SLX4IP: variants seen among roughly 807,000 people sequenced by gnomAD.
The protein encoded by SLX4IP is protein SLX4IP.
In SLX4IP, 34 loss-of-function variants were observed where a neutral mutation model predicts 32.9. The ratio of observed to expected loss-of-function variants is 1.03; its 90% CI spans 0.79 to 1.38. The LOEUF is 1.38. Ranked by LOEUF, SLX4IP falls within the 40% of genes most tolerant of loss-of-function variation. The pLI is 0.00. For synonymous variants in SLX4IP, 172 were observed against 171.7 expected (o/e 1.00, Z -0.01); for missense variants, 444 against 479.0 (o/e 0.93, Z 0.68).
chr20:10,451,747 T>TTG (rs1305531331), intron 1 of SLX4IP, among the ~76,000 whole-genome samples: 11 of 151,818 alleles, frequency 7.2e-5, no homozygotes, highest in African/African-American at 2.4e-4. Context: ...GGCGGGTGAA[T>TTG]CATGAGGTCA....
intron 1 of SLX4IP, among the ~76,000 whole-genome samples, chr20:10,457,471 G>A (rs967831805): frequency 4.3e-5 from 6 of 140,400 alleles, no homozygotes; most frequent in Non-Finnish European, 7.8e-5. Context: ...ATGATTATGT[G>A]CATTTTTTCT....
At chr20:10,494,828 A>C (rs2122403057) in intron 2 of SLX4IP, among the ~76,000 whole-genome samples, 1 of 152,222 alleles carries the variant, frequency 6.6e-6, no homozygotes, top group Non-Finnish European at 1.5e-5. Flanking sequence ...CTGTCTTAGA[A>C]AGTACATATA....
At chr20:10,551,423 C>T (rs117742588) in intron 2 of SLX4IP, among the ~76,000 whole-genome samples, 1,630 of 152,318 alleles carry the variant, frequency 0.011, 23 homozygotes, top group Non-Finnish European at 0.017. Flanking sequence ...AGAGCTCTCC[C>T]TTTGCAGACA....
At position 10,439,076 on chromosome 20, in the gene SLX4IP, C is replaced by T. The variant is rs77737514; in HGVS notation, c.-30+3623C>T. On this transcript the variant is annotated intron_variant, in intron 1 of 7. Transcript: ENST00000334534. ...AGTTTATTCCTTTTTAATTACTCAG[C>T]GGTATTCCATTGTGTAGATATATAA... is the stretch of plus-strand genomic sequence containing the variant. Among the ~76,000 whole-genome samples the T allele has an allele frequency of 4.7e-3, 714 of 152,066 alleles. 7 individuals carry two copies. Among genetic ancestry groups the T allele is most frequent in the African/African-American group, 0.016 (645 of 41,456 alleles).
At chr20:10,596,928 A>G (rs1317500384) in intron 4 of SLX4IP, among the ~76,000 whole-genome samples, 1 of 152,230 alleles carries the variant, frequency 6.6e-6, no homozygotes, top group Non-Finnish European at 1.5e-5. Flanking sequence ...CTGAAATGCA[A>G]TCTATTTTCA....
chr20:10,563,284 T>G (rs1482181486), intron 4 of SLX4IP, among the ~76,000 whole-genome samples: 2 of 152,250 alleles, frequency 1.3e-5, no homozygotes, highest in African/African-American at 4.8e-5. Context: ...ATTTGAGTTC[T>G]TTGTATATTA....
At chr20:10,500,462 A>T (rs1257534779) in intron 2 of SLX4IP, among the ~76,000 whole-genome samples, 1 of 152,076 alleles carries the variant, frequency 6.6e-6, no homozygotes, top group Non-Finnish European at 1.5e-5. Context: ...TGTGTGGAAA[A>T]AGATGGGGCC....
intron 2 of SLX4IP, among the ~76,000 whole-genome samples, chr20:10,539,861 T>G (rs796579821): frequency 2.0e-5 from 3 of 152,208 alleles, no homozygotes; most frequent in African/African-American, 7.2e-5. Context: ...TAGTTATTAT[T>G]TTAAAAGCTC....
chr20:10,598,783 A>T (rs749953917), intron 5 of SLX4IP, 31 bp downstream of exon 5: 3 of 1,599,142 alleles, frequency 1.9e-6, no homozygotes, highest in Non-Finnish European at 2.6e-6. Flanking sequence ...TTTGTCAGAC[A>T]TTTCACACAA....
At chr20:10,613,909 G>A in intron 6 of SLX4IP, 3 of 1,406,230 alleles carry the variant, frequency 2.1e-6, no homozygotes, top group Non-Finnish European at 3.0e-6. Context: ...TTTTTAAAGA[G>A]TAGCCGCCAA....
rs1025175758 is a variant in SLX4IP, at chr20:10,505,965, T to A, written c.27+47734T>A. 2.6e-5 allele frequency among the ~76,000 whole-genome samples: 4 copies of A among 152,348 alleles called. No individual in the cohort carries two copies. In the South Asian group the frequency reaches 8.3e-4, roughly 32 times the overall value. Reference sequence around the variant, plus strand: ...CCATTTTGTATTCATGGTTATGATATTGAAACTTCAGGACCACACACAGAT... The same window carrying A: ...CCATTTTGTATTCATGGTTATGATAATGAAACTTCAGGACCACACACAGAT... On this transcript the variant is annotated intron_variant, in intron 2 of 7. Coordinates refer to ENST00000334534, the MANE Select transcript of SLX4IP (RefSeq NM_001009608.3).
chr20:10,545,945 G>A (rs963807710), intron 2 of SLX4IP, among the ~76,000 whole-genome samples: 1 of 152,126 alleles, frequency 6.6e-6, no homozygotes, highest in Non-Finnish European at 1.5e-5. Flanking sequence ...AAACTGAAAA[G>A]CTTTTCTTTC....
chr20:10,581,095 C>G (rs1360506715), intron 4 of SLX4IP, among the ~76,000 whole-genome samples: 1 of 151,794 alleles, frequency 6.6e-6, no homozygotes, highest in Non-Finnish European at 1.5e-5. Context: ...AGCTGAGAAA[C>G]AGTGAGACTT....
chr20:10,567,404 CTT>C (rs1441060389), intron 4 of SLX4IP, among the ~76,000 whole-genome samples: 1 of 152,094 alleles, frequency 6.6e-6, no homozygotes, highest in Non-Finnish European at 1.5e-5. Context: ...CCTTTTTGCC[CTT>C]CCTCCTTCTG....
At chr20:10,537,502 T>G (rs2066058535) in intron 2 of SLX4IP, among the ~76,000 whole-genome samples, 1 of 152,238 alleles carries the variant, frequency 6.6e-6, no homozygotes, top group Admixed American at 6.5e-5. Context: ...AGTAATCCAT[T>G]AGGTTGCAGT....
chr20:10,533,783 C>A (rs2066012454), intron 2 of SLX4IP, among the ~76,000 whole-genome samples: 1 of 151,816 alleles, frequency 6.6e-6, no homozygotes, highest in South Asian at 2.1e-4. Flanking sequence ...CACTGCCTGA[C>A]TAATTTTTGT....
intron 7 of SLX4IP, 54 bp downstream of exon 7, chr20:10,621,468 A>G: frequency 6.7e-7 from 1 of 1,493,774 alleles, no homozygotes; most frequent in South Asian, 1.1e-5. Flanking sequence ...ATGTATGGAT[A>G]GATAACATGA....
chr20:10,626,434 A>G lies in SLX4IP; in HGVS notation c.*3055A>G, dbSNP rs541181577. ...GAACAAGTTCTTCAACCACTTGCGTAGTACCCCAAATTATATTCAAGTCCC... is the reference window on the plus strand; with the variant it reads ...GAACAAGTTCTTCAACCACTTGCGTGGTACCCCAAATTATATTCAAGTCCC... On this transcript the variant is annotated 3_prime_UTR_variant, in exon 8 of 8. Transcript: ENST00000334534. 1 of 152,186 alleles carries G rather than the reference A, an allele frequency of 6.6e-6. No individual in the cohort carries two copies. Among genetic ancestry groups the G allele is most frequent in the Non-Finnish European group, 1.5e-5 (1 of 67,998 alleles). The allele number at this position is 152,186 out of a possible 1,614,324, so 9.4% of individuals were successfully genotyped here.
intron 4 of SLX4IP, among the ~76,000 whole-genome samples, chr20:10,573,700 G>A (rs1241003608): frequency 6.6e-6 from 1 of 152,198 alleles, no homozygotes; most frequent in Non-Finnish European, 1.5e-5. Context: ...TTACTGTTTA[G>A]ACATTGTATT....
Sources: allele counts gnomAD v4.1 joint callset (sites outside exome capture counted in the v4.1 genomes callset), GRCh38; gene constraint gnomAD v4.1.1; transcripts MANE v1.5; gene names NCBI Gene and HGNC (gene_info 2026-07-23, HGNC 2026-07-21).